MDGA2: variants seen among roughly 807,000 people sequenced by gnomAD.
MDGA2 encodes MAM domain-containing glycosylphosphatidylinositol anchor protein 2.
Under a neutral mutation model 117.8 loss-of-function variants are expected in MDGA2, and 40 were observed. The ratio of observed to expected loss-of-function variants is 0.34; its 90% CI spans 0.26 to 0.44. The LOEUF is 0.44. Among genes scored for constraint, MDGA2 ranks in the 20% least tolerant of loss-of-function variants. The pLI, the probability that MDGA2 is intolerant of heterozygous loss-of-function variation, is 1.00. For synonymous variants in MDGA2, 452 were observed against 439.0 expected (o/e 1.03, Z -0.37); for missense variants, 1,123 against 1,250.6 (o/e 0.90, Z 1.54).
chr14:47,118,794 C>T (rs1208059857), intron 5 of MDGA2, among the ~76,000 whole-genome samples: 2 of 152,126 alleles, frequency 1.3e-5, no homozygotes, highest in African/African-American at 2.4e-5. Flanking sequence ...AGTGCAGCGG[C>T]GTGATCAGAG....
intron 8 of MDGA2, among the ~76,000 whole-genome samples, chr14:46,971,496 G>C (rs1357176821): frequency 6.6e-6 from 1 of 152,062 alleles, no homozygotes; most frequent in Non-Finnish European, 1.5e-5. Context: ...ATATGTGAGA[G>C]ATTAAAAAAT....
intron 3 of MDGA2, among the ~76,000 whole-genome samples, chr14:47,155,313 A>C (rs1228329256): frequency 1.3e-5 from 2 of 151,928 alleles, no homozygotes; most frequent in Non-Finnish European, 2.9e-5. Context: ...TATAACACAA[A>C]CAGGACTGAA....
At position 47,106,005 on chromosome 14, in the gene MDGA2, T is replaced by C. The variant is rs543260646; in HGVS notation, c.926-8882A>G. Among the ~76,000 whole-genome samples the C allele has an allele frequency of 9.5e-4, 144 of 151,886 alleles. 1 individual carries two copies. The highest frequency in any genetic ancestry group is 3.4e-3 in the Middle Eastern group (1 of 292). The stretch of plus-strand genomic sequence containing the variant: ...TAGCCCTCCCCCTCCTGCCCAGCAA[T>C]TTACTCTTAAAAAGGTGGCTGGAGC... On this transcript the variant is annotated intron_variant, in intron 5 of 16. Transcript: ENST00000399232.
chr14:47,550,156 C>T lies in MDGA2; in HGVS notation c.280+124361G>A, dbSNP rs148955257. ...AACTAAATCAGTACCCCTGCCCCCA[C>T]GTCTTTCCTAATTTGAGCTAATGAT... On this transcript the variant is annotated intron_variant, in intron 1 of 16. Transcript: ENST00000399232. Among the ~76,000 whole-genome samples the T allele has an allele frequency of 6.7e-3, 1,016 of 152,278 alleles. 8 individuals are homozygous for T. The highest frequency in any genetic ancestry group is 0.012 in the Admixed American group (181 of 15,302).
chr14:47,176,751 C>A (rs1884469485), intron 3 of MDGA2, among the ~76,000 whole-genome samples: 1 of 152,176 alleles, frequency 6.6e-6, no homozygotes, highest in Admixed American at 6.5e-5. Flanking sequence ...GCAAAGACTT[C>A]ATGTCTAAAA....
intron 1 of MDGA2, among the ~76,000 whole-genome samples, chr14:47,528,156 G>T (rs568533974): frequency 1.3e-5 from 2 of 152,278 alleles, no homozygotes; most frequent in East Asian, 3.9e-4. Context: ...AAGAACTGAG[G>T]CCAGGTCAGG....
chr14:47,175,765 C>T (rs1305907893), intron 3 of MDGA2, among the ~76,000 whole-genome samples: 2 of 146,168 alleles, frequency 1.4e-5, no homozygotes, highest in Non-Finnish European at 3.0e-5. Context: ...TCTCTCACCA[C>T]TCCTATTCAA....
At position 47,087,714 on chromosome 14, in the gene MDGA2, C is replaced by T. The variant is rs150406148; in HGVS notation, c.1195+9140G>A. 2.9e-3 allele frequency among the ~76,000 whole-genome samples: 436 copies of T among 151,232 alleles called. 4 individuals carry two copies. The highest frequency in any genetic ancestry group is 0.01 in the African/African-American group (413 of 41,200). ...AGCCAGTGAATCTGGGAATTAAGTACCTGCCACAACAAAGGAAAAAATGCT... is the reference window on the plus strand; with the variant it reads ...AGCCAGTGAATCTGGGAATTAAGTATCTGCCACAACAAAGGAAAAAATGCT... On this transcript the variant is annotated intron_variant, in intron 6 of 16. Transcript: ENST00000399232.
chr14:47,597,140 T>C (rs1400521972), intron 1 of MDGA2, among the ~76,000 whole-genome samples: 1 of 152,178 alleles, frequency 6.6e-6, no homozygotes, highest in Non-Finnish European at 1.5e-5. Context: ...CTTTCATTAC[T>C]AAACTCTGGT....
intron 8 of MDGA2, among the ~76,000 whole-genome samples, chr14:46,959,575 C>T (rs1434297303): frequency 6.6e-6 from 1 of 151,896 alleles, no homozygotes; most frequent in Non-Finnish European, 1.5e-5. Context: ...TTGACATTTA[C>T]TGTAACTACT....
chr14:46,887,421 CTTAA>C (rs1426952358), intron 10 of MDGA2, among the ~76,000 whole-genome samples: 2 of 151,892 alleles, frequency 1.3e-5, no homozygotes, highest in Admixed American at 6.6e-5. Context: ...ATACTGCTCC[CTTAA>C]TTGTTTTTAC....
intron 2 of MDGA2, among the ~76,000 whole-genome samples, chr14:47,221,883 T>C (rs866334319): frequency 1.6e-4 from 24 of 152,186 alleles, no homozygotes; most frequent in Admixed American, 4.6e-4. Context: ...GATGTTTTAA[T>C]ATAAGTTTAC....
chr14:47,017,031 T>C (rs1888108308), intron 8 of MDGA2, among the ~76,000 whole-genome samples: 1 of 152,020 alleles, frequency 6.6e-6, no homozygotes, highest in Non-Finnish European at 1.5e-5. Flanking sequence ...TCCTTTCCTA[T>C]TTAGGAAAAG....
chr14:47,511,367 A>T (rs1352376727), intron 1 of MDGA2, among the ~76,000 whole-genome samples: 1 of 152,206 alleles, frequency 6.6e-6, no homozygotes, highest in East Asian at 1.9e-4. Flanking sequence ...ATAATTAGAC[A>T]TTTAAAAATT....
intron 8 of MDGA2, among the ~76,000 whole-genome samples, chr14:47,005,153 A>C (rs1003116871): frequency 2.6e-5 from 4 of 151,680 alleles, no homozygotes; most frequent in African/African-American, 9.7e-5. Flanking sequence ...AGAAATAATA[A>C]GGGAAGACAT....
At chr14:47,376,604 G>T (rs909053377) in intron 1 of MDGA2, among the ~76,000 whole-genome samples, 26 of 151,996 alleles carry the variant, frequency 1.7e-4, no homozygotes, top group Non-Finnish European at 2.6e-4. Context: ...ATAAATACTT[G>T]CTGATTTTCT....
At chr14:47,078,098 T>C (rs1277921847) in intron 6 of MDGA2, among the ~76,000 whole-genome samples, 3 of 152,086 alleles carry the variant, frequency 2.0e-5, no homozygotes, top group Admixed American at 6.5e-5. Context: ...GGACAGATTT[T>C]ACTGTATTGA....
intron 1 of MDGA2, among the ~76,000 whole-genome samples, chr14:47,649,045 C>G (rs1264676729): frequency 2.6e-5 from 4 of 152,060 alleles, no homozygotes; most frequent in Admixed American, 2.0e-4. Context: ...TTAGTAATAT[C>G]AATACATTTT....
chr14:47,425,670 A>G (rs528558139), intron 1 of MDGA2, among the ~76,000 whole-genome samples: 1 of 152,248 alleles, frequency 6.6e-6, no homozygotes, highest in East Asian at 1.9e-4. Flanking sequence ...TCAGAAAGTA[A>G]TGTTCATTTG....
Sources: allele counts gnomAD v4.1 joint callset (sites outside exome capture counted in the v4.1 genomes callset), GRCh38; gene constraint gnomAD v4.1.1; transcripts MANE v1.5; gene names NCBI Gene and HGNC (gene_info 2026-07-23, HGNC 2026-07-21).